Variants in RALGPS2 observed in about 807,000 individuals in gnomAD.
RALGPS2 encodes the protein ras-specific guanine nucleotide-releasing factor RalGPS2.
RALGPS2 carries 43 observed loss-of-function variants against 86.8 expected under a neutral mutation model. The observed-to-expected ratio is 0.50, with a 90% confidence interval of 0.39 to 0.64. The LOEUF (loss-of-function observed/expected upper bound fraction) is 0.64. Among genes scored for constraint, RALGPS2 ranks in the 30% least tolerant of loss-of-function variants. The probability of loss-of-function intolerance (pLI) is 0.00; values close to 1 mark genes in which losing one functional copy is unlikely to be tolerated. For synonymous variants in RALGPS2, 243 were observed against 231.3 expected, an observed-to-expected ratio of 1.05 and a Z score of -0.46; for missense variants, 536 against 694.6, an observed-to-expected ratio of 0.77 and a Z score of 2.57.
chr1:178,742,178 G>C (rs1651074568), intron 1 of RALGPS2, among the ~76,000 whole-genome samples: 1 of 150,092 alleles, frequency 6.7e-6, no homozygotes, highest in African/African-American at 2.4e-5. Context: ...TGGTGAGATT[G>C]GATTAAAAAA....
chr1:178,745,822 CTTTTTTTTTTT>C (rs34277622), intron 1 of RALGPS2, among the ~76,000 whole-genome samples: 3 of 86,052 alleles, frequency 3.5e-5, no homozygotes, highest in African/African-American at 1.2e-4. Flanking sequence ...TTCAATTCTT[CTTTTTTTTTTT>C]TTTTTTTTTT....
intron 1 of RALGPS2, among the ~76,000 whole-genome samples, chr1:178,745,100 AAAGT>A (rs1426632949): frequency 2.0e-5 from 3 of 152,238 alleles, no homozygotes; most frequent in Non-Finnish European, 2.9e-5. Flanking sequence ...AGCATCATAG[AAAGT>A]AAGTAAAGAA....
At chr1:178,875,628 A>T (rs1231464445) in intron 8 of RALGPS2, among the ~76,000 whole-genome samples, 1 of 152,082 alleles carries the variant, frequency 6.6e-6, no homozygotes, top group Admixed American at 6.5e-5. Flanking sequence ...CATGCCTGTC[A>T]TCTCAGCTAT....
At chr1:178,889,813 C>G in intron 14 of RALGPS2, 117 bp downstream of exon 14, 1 of 614,560 alleles carries the variant, frequency 1.6e-6, no homozygotes, top group Non-Finnish European at 2.8e-6. Flanking sequence ...AAGTTTTCTA[C>G]TGGTAAAAGA....
intron 8 of RALGPS2, among the ~76,000 whole-genome samples, chr1:178,863,954 C>A (rs951175831): frequency 6.6e-6 from 1 of 152,030 alleles, no homozygotes. Flanking sequence ...TGTTTTATGT[C>A]CTGCCTTTTC....
chr1:178,845,855 C>G (rs1656841327), intron 8 of RALGPS2, among the ~76,000 whole-genome samples: 1 of 152,174 alleles, frequency 6.6e-6, no homozygotes, highest in African/African-American at 2.4e-5. Context: ...TCATTAACCT[C>G]ATGAATAATC....
intron 8 of RALGPS2, among the ~76,000 whole-genome samples, chr1:178,844,142 C>T (rs1656751937): frequency 6.6e-6 from 1 of 152,106 alleles, no homozygotes; most frequent in Admixed American, 6.5e-5. Context: ...AAATTGGTAG[C>T]TTCATTTAAC....
intron 1 of RALGPS2, chr1:178,747,686 C>T (rs992750239): frequency 8.1e-6 from 12 of 1,478,018 alleles, no homozygotes; most frequent in Non-Finnish European, 1.1e-5. Flanking sequence ...CTGTGATCAT[C>T]AAGTACAGCA....
intron 1 of RALGPS2, among the ~76,000 whole-genome samples, chr1:178,760,638 C>G (rs1207721879): frequency 6.6e-6 from 1 of 152,110 alleles, no homozygotes; most frequent in African/African-American, 2.4e-5. Context: ...GTGTGCCACT[C>G]TATGTCTTGA....
intron 1 of RALGPS2, among the ~76,000 whole-genome samples, chr1:178,767,698 A>C: frequency 6.6e-6 from 1 of 152,184 alleles, no homozygotes; most frequent in East Asian, 1.9e-4. Context: ...TCTGGCTACA[A>C]GAGGCCAGGC....
At chr1:178,745,306 G>A (rs554145593) in intron 1 of RALGPS2, among the ~76,000 whole-genome samples, 4 of 152,266 alleles carry the variant, frequency 2.6e-5, no homozygotes, top group Non-Finnish European at 4.4e-5. Context: ...TGTAAAGGAC[G>A]TAGAATAGCC....
At chr1:178,768,531 C>T (rs919734704) in intron 1 of RALGPS2, among the ~76,000 whole-genome samples, 5 of 152,256 alleles carry the variant, frequency 3.3e-5, no homozygotes, top group Admixed American at 2.0e-4. Flanking sequence ...ATGGCGCTTA[C>T]GGGTAAGAGC....
At chr1:178,750,284 C>T (rs1012691217) in intron 1 of RALGPS2, among the ~76,000 whole-genome samples, 1 of 152,202 alleles carries the variant, frequency 6.6e-6, no homozygotes, top group Non-Finnish European at 1.5e-5. Flanking sequence ...AGTGTGAAAG[C>T]AGCCATAGAC....
rs1220052466 is a variant in RALGPS2, at chr1:178,921,802, T to A, written c.*5443T>A. 6.6e-6 allele frequency: 1 copy of A among 152,112 alleles called. No homozygotes were observed. The highest frequency in any genetic ancestry group is 6.6e-5 in the Admixed American group (1 of 15,264). The allele number at this position is 152,112 out of a possible 1,614,324, so 9.4% of individuals were successfully genotyped here. A position where few individuals can be genotyped will look rare whatever the true frequency, so the allele number is the denominator to read the frequency against. On this transcript the variant is annotated 3_prime_UTR_variant, in exon 20 of 20. Coordinates refer to ENST00000367635, the MANE Select transcript of RALGPS2 (RefSeq NM_152663.5). ...ACTTAAGATGAATTTAAGTACAGTT[T>A]TCTGAAATATTTCTATTGAAATAAA... is the stretch of plus-strand genomic sequence containing the variant.
chr1:178,766,669 C>T, intron 1 of RALGPS2, among the ~76,000 whole-genome samples: 1 of 152,104 alleles, frequency 6.6e-6, no homozygotes, highest in Non-Finnish European at 1.5e-5. Flanking sequence ...TCTCTGGCTG[C>T]CTTTAACATT....
intron 10 of RALGPS2, among the ~76,000 whole-genome samples, chr1:178,882,730 C>G (rs1351745243): frequency 6.6e-6 from 1 of 152,162 alleles, no homozygotes; most frequent in Non-Finnish European, 1.5e-5. Context: ...AAATCATAAT[C>G]TCTTTCACTG....
intron 1 of RALGPS2, among the ~76,000 whole-genome samples, chr1:178,752,998 G>A (rs1369102225): frequency 6.6e-6 from 1 of 152,118 alleles, no homozygotes; most frequent in Non-Finnish European, 1.5e-5. Context: ...CTGTTATTGT[G>A]ACAAACATTG....
chr1:178,882,548 A>G (rs1274830602), intron 10 of RALGPS2, among the ~76,000 whole-genome samples: 1 of 152,260 alleles, frequency 6.6e-6, no homozygotes, highest in Non-Finnish European at 1.5e-5. Context: ...ATTTATCATT[A>G]TAAATGCCTC....
intron 8 of RALGPS2, among the ~76,000 whole-genome samples, chr1:178,836,625 A>G (rs1656284948): frequency 6.6e-6 from 1 of 152,104 alleles, no homozygotes; most frequent in African/African-American, 2.4e-5. Flanking sequence ...GGTTGGTGTC[A>G]ATTATTTCTC....
Sources: allele counts gnomAD v4.1 joint callset (sites outside exome capture counted in the v4.1 genomes callset), GRCh38; gene constraint gnomAD v4.1.1; transcripts MANE v1.5; gene names NCBI Gene and HGNC (gene_info 2026-07-23, HGNC 2026-07-21).